RGS6: variants seen among roughly 807,000 people sequenced by gnomAD.
RGS6 encodes regulator of G-protein signaling 6.
RGS6 carries 30 observed loss-of-function variants against 78.5 expected under a neutral mutation model. The ratio of observed to expected loss-of-function variants is 0.38; its 90% CI spans 0.29 to 0.52. The LOEUF (loss-of-function observed/expected upper bound fraction) is 0.52. Ranked by LOEUF, RGS6 falls within the 20% of genes least tolerant of loss-of-function variation. The pLI is 0.85. For missense variants in RGS6, 495 were observed against 609.7 expected (o/e 0.81, Z 1.98); for synonymous variants, 206 against 206.0 (o/e 1.00, Z 0.00).
At chr14:71,882,690 A>G in the RGS6 span, among the ~76,000 whole-genome samples, 1 of 152,236 alleles carries the variant, frequency 6.6e-6, no homozygotes, top group Admixed American at 6.5e-5. Context: ...ATTTCTGCCC[A>G]GGAGAAAAGA....
chr14:72,597,037 G>A, the RGS6 span, among the ~76,000 whole-genome samples: 71 of 152,208 alleles, frequency 4.7e-4, no homozygotes, highest in East Asian at 7.4e-3. Context: ...TCAGGAGTTC[G>A]AGACCAGCCT....
intron 2 of RGS6, among the ~76,000 whole-genome samples, chr14:72,348,225 G>A (rs2078434530): frequency 6.6e-6 from 1 of 152,182 alleles, no homozygotes; most frequent in African/African-American, 2.4e-5. Flanking sequence ...ATGAACTTTA[G>A]ATTTGATAAA....
intron 2 of RGS6, among the ~76,000 whole-genome samples, chr14:72,171,883 G>A (rs571839114): frequency 6.6e-6 from 1 of 152,284 alleles, no homozygotes; most frequent in African/African-American, 2.4e-5. Context: ...GGAGGCAACT[G>A]AGACACAGAA....
At chr14:72,432,214 C>T (rs1017420965) in intron 3 of RGS6, among the ~76,000 whole-genome samples, 6 of 152,212 alleles carry the variant, frequency 3.9e-5, no homozygotes, top group Non-Finnish European at 5.9e-5. Flanking sequence ...CCTTTGTCCT[C>T]TGGCAAGGGT....
At chr14:72,217,821 A>G (rs945521087) in intron 2 of RGS6, among the ~76,000 whole-genome samples, 7 of 151,736 alleles carry the variant, frequency 4.6e-5, no homozygotes, top group Admixed American at 1.3e-4. Context: ...AAATTTGGAG[A>G]TTTACTTTTC....
At chr14:71,904,652 A>G in the RGS6 span, among the ~76,000 whole-genome samples, 1 of 152,212 alleles carries the variant, frequency 6.6e-6, no homozygotes, top group African/African-American at 2.4e-5. Context: ...TAATTTTTGC[A>G]TAAGTCAGAG....
chr14:72,398,807 G>A (rs1476799730), intron 3 of RGS6, among the ~76,000 whole-genome samples: 1 of 152,100 alleles, frequency 6.6e-6, no homozygotes, highest in African/African-American at 2.4e-5. Flanking sequence ...ATTTCGTTAT[G>A]TACCCAGTAG....
the RGS6 span, among the ~76,000 whole-genome samples, chr14:71,875,134 G>T: frequency 6.6e-6 from 1 of 152,098 alleles, no homozygotes; most frequent in African/African-American, 2.4e-5. Flanking sequence ...ACCAGGCTTT[G>T]GTATTAGGAT....
intron 12 of RGS6, among the ~76,000 whole-genome samples, chr14:72,479,926 T>A (rs1329595143): frequency 6.6e-6 from 1 of 152,196 alleles, no homozygotes; most frequent in Non-Finnish European, 1.5e-5. Context: ...AATGCTCATG[T>A]CTGGCCTTGG....
rs568362330 is a variant in RGS6 at position 72,390,187 on chromosome 14, T to C, written c.184+37993T>C. On this transcript the variant is annotated intron_variant, in intron 3 of 17. Transcript: ENST00000553525. ...ATCTCAGCTCACTGCAACCTCCGCT[T>C]CCCGGGTTGAAGCGATTTTCCTGTC... is the stretch of plus-strand genomic sequence containing the variant. 2.0e-5 allele frequency among the ~76,000 whole-genome samples: 3 copies of C among 151,414 alleles called. No individual in the cohort carries two copies. In the South Asian group the frequency reaches 6.3e-4, roughly 32 times the overall value.
intron 2 of RGS6, among the ~76,000 whole-genome samples, chr14:72,088,182 G>A (rs2095125838): frequency 6.6e-6 from 1 of 152,192 alleles, no homozygotes; most frequent in Non-Finnish European, 1.5e-5. Flanking sequence ...ACCTTTGGGG[G>A]TAGGGTTTTG....
At chr14:72,358,175 T>A (rs1409058423) in intron 3 of RGS6, among the ~76,000 whole-genome samples, 1 of 152,194 alleles carries the variant, frequency 6.6e-6, no homozygotes, top group Non-Finnish European at 1.5e-5. Flanking sequence ...TAGAAACACC[T>A]GGATGTCCAG....
At chr14:72,109,770 T>C (rs2095712444) in intron 2 of RGS6, among the ~76,000 whole-genome samples, 2 of 152,180 alleles carry the variant, frequency 1.3e-5, no homozygotes, top group Admixed American at 1.3e-4. Context: ...ATAAAAAATA[T>C]GTTGACCCTT....
intron 2 of RGS6, among the ~76,000 whole-genome samples, chr14:72,286,245 A>G (rs2062525931): frequency 6.6e-6 from 1 of 152,174 alleles, no homozygotes; most frequent in South Asian, 2.1e-4. Context: ...CATTTTTTGC[A>G]GCATAATTTA....
At chr14:72,073,456 A>T (rs2094474045) in intron 2 of RGS6, among the ~76,000 whole-genome samples, 1 of 152,224 alleles carries the variant, frequency 6.6e-6, no homozygotes, top group Non-Finnish European at 1.5e-5. Flanking sequence ...AGATTAATTC[A>T]ATCATTTACT....
chr14:71,940,426 C>A (rs2090334989), intron 1 of RGS6, among the ~76,000 whole-genome samples: 1 of 152,160 alleles, frequency 6.6e-6, no homozygotes, highest in Non-Finnish European at 1.5e-5. Context: ...TTTTATAATT[C>A]AAATTAGTCT....
At chr14:72,537,992 G>C (rs1308098745) in intron 16 of RGS6, among the ~76,000 whole-genome samples, 1 of 152,164 alleles carries the variant, frequency 6.6e-6, no homozygotes, top group Non-Finnish European at 1.5e-5. Flanking sequence ...AACCTGCCTG[G>C]GAAAAGTTCC....
intron 2 of RGS6, among the ~76,000 whole-genome samples, chr14:72,129,234 G>C (rs993297580): frequency 2.0e-5 from 3 of 152,186 alleles, no homozygotes; most frequent in African/African-American, 7.2e-5. Context: ...AAAGTTGACA[G>C]CTTTATGAAA....
intron 2 of RGS6, among the ~76,000 whole-genome samples, chr14:72,144,285 G>C (rs2096578537): frequency 6.6e-6 from 1 of 152,172 alleles, no homozygotes. Flanking sequence ...TGATCACTTA[G>C]CAGAGTTTGG....
Sources: allele counts gnomAD v4.1 joint callset (sites outside exome capture counted in the v4.1 genomes callset), GRCh38; gene constraint gnomAD v4.1.1; transcripts MANE v1.5; gene names NCBI Gene and HGNC (gene_info 2026-07-23, HGNC 2026-07-21).